Variants in RET observed in about 807,000 individuals in gnomAD.
RET encodes the protein proto-oncogene tyrosine-protein kinase receptor Ret.
Under a neutral mutation model 118.3 loss-of-function variants are expected in RET, and 19 were observed. The ratio of observed to expected loss-of-function variants is 0.16; its 90% CI spans 0.11 to 0.24. The LOEUF is 0.24. Ranked by LOEUF, RET falls within the 10% of genes least tolerant of loss-of-function variation. RET has a pLI of 1.00. For synonymous variants in RET, 597 were observed against 644.1 expected (o/e 0.93, Z 1.11); for missense variants, 1,219 against 1,502.1 (o/e 0.81, Z 3.12).
At chr10:43,078,530 C>G (rs904659990) in intron 1 of RET, among the ~76,000 whole-genome samples, 3 of 152,262 alleles carry the variant, frequency 2.0e-5, no homozygotes, top group Non-Finnish European at 2.9e-5. Flanking sequence ...GCCTTTCTAT[C>G]TTTTCTGAGT....
At position 43,106,307 on chromosome 10, in the gene RET, G is replaced by A; in HGVS notation, c.868-69G>A. 6.8e-7 allele frequency: 1 copy of A among 1,465,660 alleles called. No homozygotes were observed. The highest frequency in any genetic ancestry group is 2.3e-5 in the East Asian group (1 of 43,826). 90.8% of individuals were successfully genotyped at this position (1,465,660 alleles called of 1,614,324 possible). A position where few individuals can be genotyped will look rare whatever the true frequency, so the allele number is the denominator to read the frequency against. ...TGTGTGGGACGTGCAGCATTCTAAG[G>A]TCTCTGGTTTTGGGGGGTCTGAGGG... is the stretch of plus-strand genomic sequence containing the variant. On this transcript the variant is annotated intron_variant, in intron 4 of 19. Coordinates refer to ENST00000355710, the MANE Select transcript of RET (RefSeq NM_020975.6). This position sits in a 1 kb window ranked among gnomAD's most constrained non-coding sequence, Gnocchi z 5.1.
chr10:43,077,823 G>A (rs965588955), intron 1 of RET, among the ~76,000 whole-genome samples: 1 of 152,240 alleles, frequency 6.6e-6, no homozygotes, highest in Admixed American at 6.5e-5. Context: ...CTGCCGTCCT[G>A]GCCAGCCGAG....
intron 6 of RET, among the ~76,000 whole-genome samples, chr10:43,110,299 T>C (rs1837887022): frequency 6.6e-6 from 1 of 152,170 alleles, no homozygotes; most frequent in East Asian, 1.9e-4. Context: ...TTTGTAAAGC[T>C]GTGAATTAGG....
rs73252046 is a variant in RET at position 43,102,236 on chromosome 10, G to A, written c.338-106G>A. On this transcript the variant is annotated intron_variant, in intron 2 of 19. Coordinates refer to ENST00000355710, the MANE Select transcript of RET (RefSeq NM_020975.6). ...ACCAGTCTGAGCCTTGTGGACCTTG[G>A]TGGGGACCAGGGTTTACACCAGCCC... The A allele has an allele frequency of 1.8e-3, 2,609 of 1,434,246 alleles. 52 individuals are homozygous for A. In the African/African-American group the frequency reaches 0.033, roughly 18 times the overall value. 88.8% of individuals were successfully genotyped at this position (1,434,246 alleles called of 1,614,324 possible).
rs1423658428 is a variant in RET, at chr10:43,130,311, TAAGAAA to T, written c.*2044_*2049del. On this transcript the variant is annotated 3_prime_UTR_variant, in exon 20 of 20. Transcript: ENST00000355710. ...TTCCTTTTTTTGTAATCAAGGTGAC[TAAGAAA>T]ATCAGTTGTGTAAATAAAATCATGT... is the stretch of plus-strand genomic sequence containing the variant. 9.2e-6 allele frequency: 3 copies of T among 327,830 alleles called. No individual in the cohort carries two copies. The highest frequency in any genetic ancestry group is 6.3e-5 in the African/African-American group (3 of 47,584). The allele number at this position is 327,830 out of a possible 1,614,324, so 20.3% of individuals were successfully genotyped here.
rs1838268289 is a variant in RET at position 43,123,710 on chromosome 10, A to G, written c.2841A>G (p.Leu947=). 6.2e-7 allele frequency: 1 copy of G among 1,614,100 alleles called. No individual in the cohort carries two copies. The highest frequency in any genetic ancestry group is 1.1e-5 in the South Asian group (1 of 91,082). Residue 947 remains leucine (L), a synonymous_variant, in exon 17 of 20, where the codon CTA becomes CTG. Coordinates refer to ENST00000355710, the MANE Select transcript of RET (RefSeq NM_020975.6). ...TCCTGCTGTGGGAGATCGTGACCCT[A>G]GGGGGAAACCCCTATCCTGGGATTC... ...FGVLLWEIVT[L]GGNPYPGIPP...
chr10:43,109,711 A>G (rs898899436), intron 6 of RET, among the ~76,000 whole-genome samples: 65 of 152,170 alleles, frequency 4.3e-4, no homozygotes, highest in African/African-American at 1.5e-3. Context: ...ACTTTTTGTA[A>G]CTAGGTTTGC....
At chr10:43,082,370 C>T (rs1837204114) in intron 1 of RET, among the ~76,000 whole-genome samples, 1 of 152,198 alleles carries the variant, frequency 6.6e-6, no homozygotes, top group South Asian at 2.1e-4. Context: ...GGAGTGGCTC[C>T]ACAAAGTGTA....
chr10:43,127,232 A>G, intron 19 of RET: 4 of 1,081,722 alleles, frequency 3.7e-6, no homozygotes, highest in Non-Finnish European at 4.5e-6. Flanking sequence ...CCACTGGCCA[A>G]GCCTCAGCCC....
At position 43,111,307 on chromosome 10, in the gene RET, T is replaced by C. The variant is rs752267460; in HGVS notation, c.1364T>C (p.Val455Ala). 1.9e-6 allele frequency: 3 copies of C among 1,614,132 alleles called. No individual in the cohort carries two copies. The highest frequency in any genetic ancestry group is 2.5e-6 in the Non-Finnish European group (3 of 1,180,034). Residue 455 changes from valine to alanine, a missense_variant, in exon 7 of 20, where the codon GTC becomes GCC. Transcript: ENST00000355710. ...SGANCSTLGV[V>A]TSAEDTSGIL... ...GCCAACTGCAGCACGCTAGGGGTGG[T>C]CACCTCAGCCGAGGACACCTCGGGG...
At chr10:43,105,237 G>A (rs762412988) in intron 4 of RET, 44 bp downstream of exon 4, 109 of 1,611,388 alleles carry the variant, frequency 6.8e-5, no homozygotes, top group Non-Finnish European at 8.7e-5. Context: ...GTCTGTCTCC[G>A]GCCACAGTTC....
Position 43,112,922 on chromosome 10 carries a change from T to C in RET, c.1718T>C (p.Val573Ala). 1 of 1,614,148 alleles carries C rather than the reference T, an allele frequency of 6.2e-7. No homozygotes were observed. The highest frequency in any genetic ancestry group is 8.5e-7 in the Non-Finnish European group (1 of 1,180,004). ...TGCCCCGACGGCCACTGCGATGTTG[T>C]GGAGACCCAAGACATCAACATTTGC... is the stretch of plus-strand genomic sequence containing the variant. ...KTCPDGHCDV[V>A]ETQDINICPQ... The change falls in exon 9 of 20, where the codon GTG (valine) becomes GCG (alanine). Residue 573 changes from valine (V) to alanine (A), a missense_variant. Val to Ala is a moderately conservative substitution (Grantham distance 64). Coordinates refer to ENST00000355710, the MANE Select transcript of RET (RefSeq NM_020975.6).
chr10:43,082,165 A>C (rs1235135896), intron 1 of RET, among the ~76,000 whole-genome samples: 1 of 152,176 alleles, frequency 6.6e-6, no homozygotes, highest in Non-Finnish European at 1.5e-5. Context: ...CAGGCAGGGC[A>C]GGGCTGGGCA....
chr10:43,077,326 G>C lies in RET; in HGVS notation c.68G>C (p.Gly23Ala). 6.6e-7 allele frequency: 1 copy of C among 1,510,788 alleles called. No individual in the cohort carries two copies. Among genetic ancestry groups the C allele is most frequent in the Non-Finnish European group, 8.8e-7 (1 of 1,135,066 alleles). 93.6% of individuals were successfully genotyped at this position (1,510,788 alleles called of 1,614,324 possible). Residue 23 changes from glycine to alanine, a missense_variant, in exon 1 of 20, where the codon GGC becomes GCC. Gly to Ala is a moderately conservative substitution (Grantham distance 60, BLOSUM62 0). Transcript: ENST00000355710. ...LLLLLLLPLL[G>A]KVALGLYFSR... ...TTGCTGCTGCTGCTGCCGCTGCTAG[G>C]CAAAGGTGAGTTCTGCCGGCCGCCG...
intron 1 of RET, among the ~76,000 whole-genome samples, chr10:43,080,842 A>T (rs1219097655): frequency 6.6e-6 from 1 of 152,230 alleles, no homozygotes; most frequent in Non-Finnish European, 1.5e-5. Flanking sequence ...GCAGGAAGGC[A>T]TCTTGCTGCC....
chr10:43,082,959 G>A (rs1228315987), intron 1 of RET, among the ~76,000 whole-genome samples: 1 of 152,206 alleles, frequency 6.6e-6, no homozygotes, highest in African/African-American at 2.4e-5. Flanking sequence ...AGACCCGGCA[G>A]CTGTTGCTGG....
intron 19 of RET, chr10:43,126,970 G>A: frequency 7.1e-7 from 1 of 1,403,882 alleles, no homozygotes; most frequent in Admixed American, 3.0e-5. Flanking sequence ...GGATGGTAGA[G>A]GAAAAAACAG....
At chr10:43,104,730 GCA>G in intron 3 of RET, 1 of 684,084 alleles carries the variant, frequency 1.5e-6, no homozygotes. Flanking sequence ...CAGGACGTAA[GCA>G]CAGTCATCGC....
intron 1 of RET, among the ~76,000 whole-genome samples, chr10:43,081,837 G>T (rs1239278258): frequency 6.6e-6 from 1 of 152,234 alleles, no homozygotes; most frequent in Non-Finnish European, 1.5e-5. Flanking sequence ...CTTGGTGCTT[G>T]ATTCTTTGTC....
Sources: gnomAD v4.1 joint callset for allele counts (sites outside exome capture counted in the v4.1 genomes callset) on GRCh38, gnomAD v4.1.1 for gene constraint, Gnocchi (gnomAD v3.1) non-coding constraint, MANE v1.5 for transcripts, NCBI Gene and HGNC (gene_info 2026-07-23, HGNC 2026-07-21) for gene names.